The following ABCA4 variants were observed in gnomAD, a reference collection of about 807,000 sequenced individuals.
ABCA4 encodes the protein retinal-specific phospholipid-transporting ATPase ABCA4.
ABCA4 carries 196 observed loss-of-function variants against 263.7 expected under a neutral mutation model. That is an observed-to-expected ratio of 0.74 (90% CI 0.66 to 0.84). The LOEUF is 0.84. ABCA4 is among the 40% of genes least tolerant of loss of function. The pLI is 0.00. For missense variants in ABCA4, 2,792 were observed against 2,855.1 expected, an observed-to-expected ratio of 0.98 and a Z score of 0.50; for synonymous variants, 1,133 against 1,094.2, an observed-to-expected ratio of 1.04 and a Z score of -0.70.
At chr1:94,058,803 C>T (rs533781614) in intron 14 of ABCA4, among the ~76,000 whole-genome samples, 1 of 152,246 alleles carries the variant, frequency 6.6e-6, no homozygotes, top group African/African-American at 2.4e-5. Context: ...CCAGCTGTGG[C>T]TTCCTCAGAT....
chr1:94,022,070 A>G, intron 32 of ABCA4, 119 bp from the exon 33 acceptor site: 1 of 817,816 alleles, frequency 1.2e-6, no homozygotes. Context: ...CCAGCGAGCA[A>G]CATGGCTCCA....
At chr1:94,001,701 A>G in intron 45 of ABCA4, 157 bp downstream of exon 45, 1 of 1,108,474 alleles carries the variant, frequency 9.0e-7, no homozygotes, top group Non-Finnish European at 1.3e-6. Flanking sequence ...TGAACCAAAC[A>G]CTGGGCTGAT....
chr1:94,083,185 G>A (rs1408174398), intron 7 of ABCA4, among the ~76,000 whole-genome samples, 167 bp downstream of exon 7: 1 of 152,194 alleles, frequency 6.6e-6, no homozygotes, highest in Non-Finnish European at 1.5e-5. Context: ...TTACTTAAGA[G>A]CACAGATAAT....
chr1:94,113,870 T>C (rs3789439), intron 1 of ABCA4, among the ~76,000 whole-genome samples: 32,300 of 152,190 alleles, frequency 0.21, 3,487 homozygotes, highest in Middle Eastern at 0.23. Flanking sequence ...GGACTCTTGA[T>C]TCCAAAAGCA....
chr1:94,103,247 G>A, intron 4 of ABCA4, 105 bp from the exon 5 acceptor site: 1 of 1,451,200 alleles, frequency 6.9e-7, no homozygotes, highest in Admixed American at 1.7e-5. Flanking sequence ...ACTCTCAGAG[G>A]AAGGTTCTGT....
rs1321639616 is a variant in ABCA4 at position 94,011,337 on chromosome 1, G to T, written c.5509C>A (p.Pro1837Thr). The T allele has an allele frequency of 6.2e-7, 1 of 1,614,126 alleles. No homozygotes were observed. The highest frequency in any genetic ancestry group is 8.5e-7 in the Non-Finnish European group (1 of 1,180,020). ...AGGCCCCGGCCCAGGCAGAAGTGGG[G>T]GAAGACAATGAGCAGCTTCCTCAGC... ...AVLRKLLIVF[P>T]HFCLGRGLID... The change falls in exon 39 of 50, where the codon CCC becomes ACC. Residue 1837 changes from proline (P) to threonine (T), a missense_variant. Coordinates refer to ENST00000370225, the MANE Select transcript of ABCA4 (RefSeq NM_000350.3).
intron 4 of ABCA4, among the ~76,000 whole-genome samples, chr1:94,103,952 C>A (rs1662351995): frequency 6.6e-6 from 1 of 152,174 alleles, no homozygotes; most frequent in African/African-American, 2.4e-5. Context: ...GTTAAGGTGA[C>A]CTTGGGGCAA....
rs1440037162 is a variant in ABCA4 at position 94,014,575 on chromosome 1, T to C, written c.5428A>G (p.Thr1810Ala). ...TTCTCAAATAATTCCAAGATGAAGG[T>C]AATAGCACTGCTGTTGATGCCGATG... ...LFIGINSSAITFILELFENNR... is the reference protein window; with the variant it reads ...LFIGINSSAIAFILELFENNR... Residue 1810 changes from threonine (T) to alanine (A), a missense_variant, in exon 38 of 50, where the codon ACC becomes GCC. Physicochemically the swap from Thr to Ala is moderately conservative, Grantham distance 58 (BLOSUM62 0). Coordinates refer to ENST00000370225, the MANE Select transcript of ABCA4 (RefSeq NM_000350.3). 1 of 1,614,014 alleles carries C rather than the reference T, an allele frequency of 6.2e-7. No homozygotes were observed. The highest frequency in any genetic ancestry group is 8.5e-7 in the Non-Finnish European group (1 of 1,180,014).
chr1:94,048,803 T>C, intron 18 of ABCA4, 65 bp downstream of exon 18: 2 of 1,498,160 alleles, frequency 1.3e-6, no homozygotes, highest in Admixed American at 3.4e-5. Context: ...TGTTTTGCTC[T>C]GGCCCTCTGC....
intron 17 of ABCA4, 68 bp from the exon 18 acceptor site, chr1:94,049,025 G>A: frequency 6.6e-7 from 1 of 1,515,616 alleles, no homozygotes; most frequent in Non-Finnish European, 9.1e-7. Flanking sequence ...CAGGAAAGGA[G>A]GGGAGAGGTA....
chr1:94,048,854 T>C lies in ABCA4; in HGVS notation c.2743+14A>G. The C allele has an allele frequency of 1.2e-6, 2 of 1,613,624 alleles. No homozygotes were observed. Among genetic ancestry groups the C allele is most frequent in the Non-Finnish European group, 1.7e-6 (2 of 1,179,522 alleles). On this transcript the variant is annotated intron_variant, in intron 18 of 49. Transcript: ENST00000370225. ...TTCCTCGCCTCTGCTGTGTATTCTT[T>C]ATCGGGGTTTTACCGTGTATTCCTT...
intron 1 of ABCA4, among the ~76,000 whole-genome samples, chr1:94,117,906 C>T (rs1161148103): frequency 6.6e-6 from 1 of 152,200 alleles, no homozygotes; most frequent in Non-Finnish European, 1.5e-5. Flanking sequence ...TGTTGGTTTA[C>T]ATTTATTGTC....
intron 14 of ABCA4, among the ~76,000 whole-genome samples, 163 bp downstream of exon 14, chr1:94,060,374 C>T (rs1485294033): frequency 6.6e-6 from 1 of 152,124 alleles, no homozygotes. Flanking sequence ...CAGGAGATTT[C>T]GTCTCTTTGA....
intron 2 of ABCA4, among the ~76,000 whole-genome samples, chr1:94,112,258 A>C (rs551547515): frequency 6.6e-6 from 1 of 152,242 alleles, no homozygotes; most frequent in South Asian, 2.1e-4. Flanking sequence ...CAAGAAATAA[A>C]ATTTTTCTTC....
chr1:94,108,730 G>A lies in ABCA4; in HGVS notation c.303-14C>T. The A allele has an allele frequency of 6.2e-7, 1 of 1,613,512 alleles. No individual in the cohort carries two copies. The highest frequency in any genetic ancestry group is 1.1e-5 in the South Asian group (1 of 91,048). On this transcript the variant is annotated splice_polypyrimidine_tract_variant and intron_variant, in intron 3 of 49. Transcript: ENST00000370225. Reference sequence around the variant, plus strand: ...ACCCTTGCCAAGCTGTAAGGACAAAGCCTCATTAATAAGGAAATAGCTGTT... The same window carrying A: ...ACCCTTGCCAAGCTGTAAGGACAAAACCTCATTAATAAGGAAATAGCTGTT...
Position 94,037,313 on chromosome 1 carries a change from A to T in ABCA4, c.3645T>A (p.His1215Gln), listed in dbSNP as rs1660366503. The T allele has an allele frequency of 6.2e-7, 1 of 1,614,264 alleles. No individual in the cohort carries two copies. The highest frequency in any genetic ancestry group is 8.5e-7 in the Non-Finnish European group (1 of 1,180,054). The change falls in exon 25 of 50, where the codon CAT becomes CAA. Residue 1215 changes from histidine (H) to glutamine (Q), a missense_variant. Physicochemically the swap from His to Gln is conservative, Grantham distance 24 (BLOSUM62 0). Coordinates refer to ENST00000370225, the MANE Select transcript of ABCA4 (RefSeq NM_000350.3). ...VNELMDVVLH[H>Q]VPEAKLVECI... is the part of the protein sequence containing the mutation. ...ACTCCACCAGCTTTGCCTCTGGAACATGGTGGAGAACTACATCCATCAGCT... is the reference window on the plus strand; with the variant it reads ...ACTCCACCAGCTTTGCCTCTGGAACTTGGTGGAGAACTACATCCATCAGCT...
At chr1:94,063,344 G>C (rs1337329871) in intron 11 of ABCA4, 27 bp from the exon 12 acceptor site, 1 of 1,606,860 alleles carries the variant, frequency 6.2e-7, no homozygotes. Flanking sequence ...AGTTGAGAGA[G>C]TGTGAGGAGG....
Position 94,077,701 on chromosome 1 carries a change from G to T in ABCA4, c.1543C>A (p.Gln515Lys), listed in dbSNP as rs767631662. The stretch of plus-strand genomic sequence containing the variant: ...TTGCAGCCCCTTACCTCCAGGTATT[G>T]ATTGACCAGGCGGAGGGTGCGATCA... ...ITDRTLRLVN[Q>K]YLECLVLDKF... Residue 515 changes from glutamine to lysine, a missense_variant, in exon 11 of 50, where the codon CAA becomes AAA. By Grantham distance (53) the Gln-to-Lys change is moderately conservative. Coordinates refer to ENST00000370225, the MANE Select transcript of ABCA4 (RefSeq NM_000350.3). 205 of 1,612,316 alleles carry T rather than the reference G, an allele frequency of 1.3e-4. No individual in the cohort carries two copies. The highest frequency in any genetic ancestry group is 1.7e-4 in the Non-Finnish European group (197 of 1,178,874).
chr1:94,040,942 GT>G (rs1557777225), intron 23 of ABCA4, among the ~76,000 whole-genome samples: 1 of 152,220 alleles, frequency 6.6e-6, no homozygotes, highest in Non-Finnish European at 1.5e-5. Flanking sequence ...TCACTTCTAT[GT>G]TGCACCAAAC....
Sources: allele counts gnomAD v4.1 joint callset (sites outside exome capture counted in the v4.1 genomes callset), GRCh38; gene constraint gnomAD v4.1.1; transcripts MANE v1.5; gene names NCBI Gene and HGNC (gene_info 2026-07-23, HGNC 2026-07-21).